GRM7: variants seen among roughly 807,000 people sequenced by gnomAD.
GRM7 encodes the protein metabotropic glutamate receptor 7.
A neutral mutation model predicts 84.5 loss-of-function variants in GRM7; 35 were observed. The observed-to-expected ratio is 0.41, with a 90% CI of 0.32 to 0.55. The LOEUF is 0.55. GRM7 is among the 20% of genes least tolerant of loss of function. GRM7 has a pLI of 0.19. For missense variants in GRM7, 1,003 were observed against 1,194.6 expected (o/e 0.84, Z 2.36); for synonymous variants, 487 against 455.1 (o/e 1.07, Z -0.89).
intron 2 of GRM7, among the ~76,000 whole-genome samples, chr3:7,250,532 A>G (rs149357975): frequency 1 from 151,269 of 151,290 alleles, 75,624 homozygotes; most frequent in Middle Eastern, 1. Context: ...TATTATTTGG[A>G]AAAAATCCAA....
intron 2 of GRM7, among the ~76,000 whole-genome samples, chr3:7,251,764 C>A (rs1004724620): frequency 2.3e-4 from 35 of 152,132 alleles, no homozygotes; most frequent in African/African-American, 7.2e-4. Context: ...ACAGATCCTG[C>A]AAATATAGTG....
intron 7 of GRM7, among the ~76,000 whole-genome samples, chr3:7,489,752 C>G (rs902814505): frequency 2.6e-5 from 4 of 151,886 alleles, no homozygotes; most frequent in Non-Finnish European, 4.4e-5. Context: ...TTCATATATT[C>G]ATATAATGAG....
chr3:7,185,628 T>C (rs1300682565), intron 2 of GRM7, among the ~76,000 whole-genome samples: 2 of 152,182 alleles, frequency 1.3e-5, no homozygotes, highest in Admixed American at 6.5e-5. Flanking sequence ...ATTCTTGAAG[T>C]AGTTCTTAAG....
chr3:7,723,772 A>G (rs1702030599), intron 9 of GRM7, among the ~76,000 whole-genome samples: 1 of 152,142 alleles, frequency 6.6e-6, no homozygotes, highest in Admixed American at 6.5e-5. Flanking sequence ...GCTAGAACCC[A>G]GGAGTTTGAG....
intron 8 of GRM7, among the ~76,000 whole-genome samples, chr3:7,660,644 C>T (rs1699403696): frequency 6.6e-6 from 1 of 152,248 alleles, no homozygotes; most frequent in Middle Eastern, 3.4e-3. Context: ...GAAACTGACA[C>T]ACTTTTTCTA....
chr3:7,262,707 G>A (rs1364194484), intron 2 of GRM7, among the ~76,000 whole-genome samples: 1 of 138,148 alleles, frequency 7.2e-6, no homozygotes, highest in Non-Finnish European at 1.5e-5. Flanking sequence ...TGGTTGGTTT[G>A]TTTGTTTGAG....
intron 8 of GRM7, among the ~76,000 whole-genome samples, chr3:7,610,472 A>G (rs978287437): frequency 1.3e-5 from 2 of 152,200 alleles, no homozygotes; most frequent in African/African-American, 2.4e-5. Flanking sequence ...TGGTGTCATA[A>G]GGTATTTTTC....
chr3:7,352,851 G>T (rs1403689583), intron 4 of GRM7, among the ~76,000 whole-genome samples: 1 of 151,950 alleles, frequency 6.6e-6, no homozygotes, highest in African/African-American at 2.4e-5. Flanking sequence ...GCTTTATCAG[G>T]GTCCTCCAAC....
chr3:7,670,028 A>G (rs912937188), intron 8 of GRM7, among the ~76,000 whole-genome samples: 2 of 152,212 alleles, frequency 1.3e-5, no homozygotes, highest in South Asian at 2.1e-4. Flanking sequence ...GGGCAATTCA[A>G]CTAGCCTAGG....
intron 4 of GRM7, among the ~76,000 whole-genome samples, chr3:7,365,658 TATATATACACACACGCACACACACACAC>T: frequency 6.9e-6 from 1 of 145,182 alleles, no homozygotes; most frequent in African/African-American, 2.5e-5. Context: ...TATATATATA[TATATATACACACACGCACACACACACAC>T]ATATATATAC....
intron 9 of GRM7, among the ~76,000 whole-genome samples, chr3:7,705,147 C>A (rs759704736): frequency 6.6e-6 from 1 of 152,068 alleles, no homozygotes; most frequent in Non-Finnish European, 1.5e-5. Context: ...ATAGCTTCAC[C>A]TTGGCCAACT....
chr3:7,059,353 CCTT>C (rs1381789137), intron 1 of GRM7, among the ~76,000 whole-genome samples: 2 of 151,770 alleles, frequency 1.3e-5, no homozygotes, highest in African/African-American at 2.4e-5. Context: ...CACTGTCTCT[CCTT>C]CTTCTTTCCC....
At chr3:7,001,010 C>A (rs1011099782) in intron 1 of GRM7, among the ~76,000 whole-genome samples, 1 of 152,178 alleles carries the variant, frequency 6.6e-6, no homozygotes, top group African/African-American at 2.4e-5. Flanking sequence ...TGGAGGGTTA[C>A]TCAGCAGTGT....
intron 1 of GRM7, among the ~76,000 whole-genome samples, chr3:6,982,175 C>T (rs1694233832): frequency 6.6e-6 from 1 of 152,118 alleles, no homozygotes. Flanking sequence ...GGTCATTGTC[C>T]TAAGCAAATT....
intron 1 of GRM7, among the ~76,000 whole-genome samples, chr3:6,979,176 C>T (rs971269861): frequency 4.6e-5 from 7 of 152,114 alleles, no homozygotes; most frequent in African/African-American, 1.7e-4. Context: ...CTAGCTTCCA[C>T]GAATTCTCTC....
At chr3:7,189,991 A>C (rs1242832603) in intron 2 of GRM7, among the ~76,000 whole-genome samples, 1 of 152,118 alleles carries the variant, frequency 6.6e-6, no homozygotes, top group Non-Finnish European at 1.5e-5. Flanking sequence ...CACACAGAGA[A>C]GCATACATAC....
rs577784256 is a variant in GRM7, at chr3:7,053,303, G to A, written c.520-93149G>A. The stretch of plus-strand genomic sequence containing the variant: ...ATATTCCCCATATAAATCATTTATT[G>A]GCTAAATATTTTACAAAATATTTTC... On this transcript the variant is annotated intron_variant, in intron 1 of 9. Transcript: ENST00000357716. Among the ~76,000 whole-genome samples, 15 of 150,046 alleles carry A rather than the reference G, an allele frequency of 1.0e-4. No individual in the cohort carries two copies. The South Asian group carries it at 2.5e-3, about 25-fold the overall frequency.
At chr3:7,013,466 A>C (rs1016503306) in intron 1 of GRM7, among the ~76,000 whole-genome samples, 4 of 152,172 alleles carry the variant, frequency 2.6e-5, no homozygotes, top group Non-Finnish European at 4.4e-5. Flanking sequence ...TAAATGTCGG[A>C]GGCTCTCTTC....
At chr3:7,331,861 T>G (rs1341237124) in intron 4 of GRM7, among the ~76,000 whole-genome samples, 1 of 152,114 alleles carries the variant, frequency 6.6e-6, no homozygotes, top group Non-Finnish European at 1.5e-5. Flanking sequence ...CAATGTCAAT[T>G]ATATTTTTTA....
Sources: allele counts gnomAD v4.1 joint callset (sites outside exome capture counted in the v4.1 genomes callset), GRCh38; gene constraint gnomAD v4.1.1; transcripts MANE v1.5; gene names NCBI Gene and HGNC (gene_info 2026-07-23, HGNC 2026-07-21).